The following DLG2 variants were observed in gnomAD, a reference collection of about 807,000 sequenced individuals.
The protein encoded by DLG2 is discs large MAGUK scaffold protein 2.
Under a neutral mutation model 132.5 loss-of-function variants are expected in DLG2, and 45 were observed. The ratio of observed to expected loss-of-function variants is 0.34; its 90% CI spans 0.27 to 0.44. The LOEUF is 0.44. Among genes scored for constraint, DLG2 ranks in the 20% least tolerant of loss-of-function variants. The pLI is 1.00. For synonymous variants in DLG2, 424 were observed against 419.6 expected, an observed-to-expected ratio of 1.01 and a Z score of -0.13; for missense variants, 1,045 against 1,196.9, an observed-to-expected ratio of 0.87 and a Z score of 1.87.
chr11:85,099,137 G>A (rs1258621161), intron 6 of DLG2, among the ~76,000 whole-genome samples: 2 of 152,206 alleles, frequency 1.3e-5, no homozygotes, highest in African/African-American at 4.8e-5. Context: ...CAAACATTTT[G>A]TACAAATCTG....
intron 21 of DLG2, among the ~76,000 whole-genome samples, chr11:83,503,030 C>T (rs527835111): frequency 1.3e-5 from 2 of 151,916 alleles, no homozygotes; most frequent in Non-Finnish European, 2.9e-5. Flanking sequence ...GTGCTAGGAA[C>T]TGGGGCTACA....
intron 6 of DLG2, among the ~76,000 whole-genome samples, chr11:85,068,785 G>T (rs563042011): frequency 6.6e-6 from 1 of 152,192 alleles, no homozygotes; most frequent in Admixed American, 6.5e-5. Flanking sequence ...TTTCTTCACA[G>T]AATTGGAAAA....
intron 10 of DLG2, among the ~76,000 whole-genome samples, chr11:84,085,337 G>A (rs938141037): frequency 1.3e-5 from 2 of 152,176 alleles, no homozygotes; most frequent in Non-Finnish European, 2.9e-5. Context: ...GTTTCAGAAT[G>A]TTAGAATGAC....
intron 3 of DLG2, among the ~76,000 whole-genome samples, chr11:85,559,904 C>T (rs1453893003): frequency 2.6e-5 from 4 of 151,288 alleles, no homozygotes; most frequent in Admixed American, 2.6e-4. Flanking sequence ...GCCCCAAATC[C>T]TAATATCAAA....
chr11:84,322,863 T>A (rs1406009487), intron 7 of DLG2, among the ~76,000 whole-genome samples: 1 of 152,164 alleles, frequency 6.6e-6, no homozygotes, highest in East Asian at 1.9e-4. Flanking sequence ...GTGCTGAGAT[T>A]ACAGGAGTGA....
At chr11:85,020,815 T>A (rs2059991624) in intron 6 of DLG2, 1 of 734,506 alleles carries the variant, frequency 1.4e-6, no homozygotes, top group Non-Finnish European at 2.5e-6. Context: ...TTTTTCATCA[T>A]CCTTGATCAG....
At chr11:84,119,995 G>A (rs55677917) in intron 9 of DLG2, among the ~76,000 whole-genome samples, 1,893 of 152,274 alleles carry the variant, frequency 0.012, 17 homozygotes, top group Non-Finnish European at 0.016. Flanking sequence ...TTATTTGGAG[G>A]TATGGCTGGA....
chr11:84,874,202 T>C (rs2085947683), intron 6 of DLG2, among the ~76,000 whole-genome samples: 1 of 152,190 alleles, frequency 6.6e-6, no homozygotes, highest in African/African-American at 2.4e-5. Context: ...TAGGATCCTA[T>C]GAGGAAGTAC....
chr11:85,569,733 C>G (rs951680275), intron 3 of DLG2, among the ~76,000 whole-genome samples: 1 of 152,102 alleles, frequency 6.6e-6, no homozygotes, highest in Non-Finnish European at 1.5e-5. Flanking sequence ...TGCTGGTGAA[C>G]CTGCAGAGAA....
chr11:84,095,116 G>A (rs2097148041), intron 10 of DLG2, among the ~76,000 whole-genome samples: 1 of 152,030 alleles, frequency 6.6e-6, no homozygotes, highest in African/African-American at 2.4e-5. Flanking sequence ...AGAACACACA[G>A]GGTGAAAGGA....
At chr11:85,218,683 G>T (rs1031713479) in intron 4 of DLG2, among the ~76,000 whole-genome samples, 1 of 152,042 alleles carries the variant, frequency 6.6e-6, no homozygotes, top group South Asian at 2.1e-4. Context: ...TTAAAACAGA[G>T]CTACCATTTG....
chr11:84,761,766 C>G (rs2067660189), intron 6 of DLG2, among the ~76,000 whole-genome samples: 1 of 152,152 alleles, frequency 6.6e-6, no homozygotes, highest in Non-Finnish European at 1.5e-5. Context: ...GGGACACAGA[C>G]TGGCTTCCTG....
intron 7 of DLG2, among the ~76,000 whole-genome samples, chr11:84,486,000 T>C (rs1479432124): frequency 6.6e-6 from 1 of 152,158 alleles, no homozygotes; most frequent in Non-Finnish European, 1.5e-5. Flanking sequence ...GGAAAGAGAA[T>C]GGTAGAGGGA....
intron 6 of DLG2, among the ~76,000 whole-genome samples, chr11:85,100,417 A>G (rs982514515): frequency 5.9e-5 from 9 of 152,184 alleles, no homozygotes; most frequent in Non-Finnish European, 1.2e-4. Flanking sequence ...ATAAATGAGG[A>G]AAGTAAGGCA....
intron 7 of DLG2, among the ~76,000 whole-genome samples, chr11:84,521,913 C>T (rs757520115): frequency 2.6e-5 from 4 of 152,274 alleles, no homozygotes; most frequent in South Asian, 2.1e-4. Flanking sequence ...GCAATCCCAG[C>T]ACTTTGGGAG....
intron 14 of DLG2, among the ~76,000 whole-genome samples, chr11:83,944,502 G>C (rs191747732): frequency 6.6e-6 from 1 of 152,130 alleles, no homozygotes. Flanking sequence ...CTTTATTACC[G>C]ATCCTGACTG....
chr11:83,932,646 G>A (rs1483399), intron 14 of DLG2, among the ~76,000 whole-genome samples: 149,821 of 152,298 alleles, frequency 0.98, 73,694 homozygotes, highest in East Asian at 1. Flanking sequence ...ATAGGCTACA[G>A]TCTGAACACA....
At chr11:84,399,950 A>G (rs2098823976) in intron 7 of DLG2, among the ~76,000 whole-genome samples, 1 of 152,194 alleles carries the variant, frequency 6.6e-6, no homozygotes, top group Non-Finnish European at 1.5e-5. Context: ...CGACTGCTAG[A>G]AATATTTTGT....
intron 7 of DLG2, among the ~76,000 whole-genome samples, chr11:84,331,838 A>T (rs2098461140): frequency 6.6e-6 from 1 of 152,156 alleles, no homozygotes; most frequent in East Asian, 1.9e-4. Flanking sequence ...TCTCACGCAT[A>T]AGCCAATAAA....
Sources: allele counts gnomAD v4.1 joint callset (sites outside exome capture counted in the v4.1 genomes callset), GRCh38; gene constraint gnomAD v4.1.1; transcripts MANE v1.5; gene names NCBI Gene and HGNC (gene_info 2026-07-23, HGNC 2026-07-21).